Variants in KIAA1549 observed in about 807,000 individuals in gnomAD.
KIAA1549 encodes KIAA1549.
A neutral mutation model predicts 156.4 loss-of-function variants in KIAA1549; 70 were observed. The observed-to-expected ratio is 0.45, with a 90% confidence interval of 0.37 to 0.55. KIAA1549 has a LOEUF of 0.55. Ranked by LOEUF, KIAA1549 falls within the 20% of genes least tolerant of loss-of-function variation. KIAA1549 has a pLI of 0.00. For synonymous variants in KIAA1549, 1,103 were observed against 1,066.4 expected (o/e 1.03, Z -0.67); for missense variants, 2,428 against 2,540.9 (o/e 0.96, Z 0.96).
intron 12 of KIAA1549, among the ~76,000 whole-genome samples, chr7:138,872,208 A>C (rs10261559): frequency 0.42 from 64,112 of 151,882 alleles, 13,957 homozygotes; most frequent in Middle Eastern, 0.57. Context: ...CGGCCTCCCA[A>C]AGTGCTGGGA....
intron 1 of KIAA1549, among the ~76,000 whole-genome samples, chr7:138,922,371 A>G (rs1812589224): frequency 6.6e-6 from 1 of 152,204 alleles, no homozygotes; most frequent in African/African-American, 2.4e-5. Context: ...AGTAAAAATT[A>G]TAAAATACAT....
intron 16 of KIAA1549, among the ~76,000 whole-genome samples, chr7:138,858,143 CAG>C (rs1810448133): frequency 6.6e-6 from 1 of 151,290 alleles, no homozygotes; most frequent in East Asian, 1.9e-4. Flanking sequence ...TTTTTTGAGA[CAG>C]AGTCTCACTC....
At chr7:138,847,902 T>G (rs964608489) in intron 17 of KIAA1549, among the ~76,000 whole-genome samples, 19 of 145,764 alleles carry the variant, frequency 1.3e-4, no homozygotes, top group African/African-American at 4.9e-4. Flanking sequence ...CTTAAAAGTC[T>G]TTGGTTAGAT....
rs187688492 is a variant in KIAA1549 at position 138,904,092 on chromosome 7, T to G, written c.3521-356A>C. 2.5e-3 allele frequency among the ~76,000 whole-genome samples: 379 copies of G among 152,308 alleles called. 4 individuals carry two copies. The highest frequency in any genetic ancestry group is 4.2e-3 in the Admixed American group (64 of 15,302). On this transcript the variant is annotated intron_variant, in intron 7 of 19. Coordinates refer to ENST00000422774, the MANE Select transcript of KIAA1549 (RefSeq NM_001164665.2). ...GGGCGCCTACGCAAGATCAAACATT[T>G]TGTCTGCACTTATCTCAACACTTCT...
chr7:138,839,740 C>T (rs903577745), intron 19 of KIAA1549, among the ~76,000 whole-genome samples: 2 of 151,404 alleles, frequency 1.3e-5, no homozygotes, highest in African/African-American at 4.9e-5. Context: ...AAAAGGGACC[C>T]CCCCCAAAGC....
intron 15 of KIAA1549, among the ~76,000 whole-genome samples, chr7:138,862,209 T>G (rs77905356): frequency 6.6e-6 from 1 of 152,130 alleles, no homozygotes; most frequent in Admixed American, 6.5e-5. Context: ...AAACTATGCA[T>G]GTGGGCTGGG....
rs368485537 is a variant in KIAA1549 at position 138,918,744 on chromosome 7, G to A, written c.882C>T (p.Gly294=). The change falls in exon 2 of 20, where the codon GGC becomes GGT. Residue 294 remains glycine (G), a synonymous_variant. Coordinates refer to ENST00000422774, the MANE Select transcript of KIAA1549 (RefSeq NM_001164665.2). The surrounding 1 kb of genome is among the most constrained non-coding windows in gnomAD (Gnocchi z 4.2). ...SSRSLMPQPL[G]DGITIPLPSL... ...AGGGCAACGGTATAGTAATGCCGTC[G>A]CCTAACGGCTGTGGCATTAAAGACC... 30 of 1,613,676 alleles carry A rather than the reference G, an allele frequency of 1.9e-5. No homozygotes were observed. The highest frequency in any genetic ancestry group is 3.3e-5 in the Admixed American group (2 of 59,976).
At chr7:138,856,232 G>T (rs1159680419) in intron 16 of KIAA1549, among the ~76,000 whole-genome samples, 1 of 151,394 alleles carries the variant, frequency 6.6e-6, no homozygotes, top group Non-Finnish European at 1.5e-5. Context: ...TAGAGACGGG[G>T]TTTCACCATG....
chr7:138,889,932 C>T (rs1430760526), intron 10 of KIAA1549, among the ~76,000 whole-genome samples: 2 of 152,196 alleles, frequency 1.3e-5, no homozygotes, highest in African/African-American at 4.8e-5. Flanking sequence ...TAAAATAGAA[C>T]CTAGAGTTCA....
At chr7:138,881,716 A>G (rs566646637) in intron 10 of KIAA1549, 132 bp from the exon 11 acceptor site, 89 of 734,170 alleles carry the variant, frequency 1.2e-4, no homozygotes, top group Middle Eastern at 7.3e-4. Flanking sequence ...TAGAACATGG[A>G]CTGCATGCCA....
intron 1 of KIAA1549, among the ~76,000 whole-genome samples, chr7:138,940,144 C>T (rs1025029875): frequency 6.6e-6 from 1 of 152,114 alleles, no homozygotes; most frequent in Non-Finnish European, 1.5e-5. Context: ...AGGTATATCT[C>T]CCAATGCTAT....
chr7:138,909,179 A>G, intron 4 of KIAA1549, 58 bp from the exon 5 acceptor site: 2 of 1,545,658 alleles, frequency 1.3e-6, no homozygotes, highest in South Asian at 1.2e-5. Flanking sequence ...CTGAAGTATT[A>G]AGGAATCAAG....
intron 1 of KIAA1549, among the ~76,000 whole-genome samples, chr7:138,946,423 C>T (rs902236444): frequency 3.9e-5 from 6 of 152,116 alleles, no homozygotes; most frequent in African/African-American, 1.4e-4. Context: ...CTTTCTTTCG[C>T]TTGGCTATGG....
chr7:138,953,624 A>G (rs506001), intron 1 of KIAA1549, among the ~76,000 whole-genome samples: 63,672 of 151,968 alleles, frequency 0.42, 17,615 homozygotes, highest in African/African-American at 0.8. Context: ...TACTACAAGT[A>G]AATATGCTGA....
At chr7:138,953,431 G>GA (rs1813555588) in intron 1 of KIAA1549, among the ~76,000 whole-genome samples, 2 of 151,740 alleles carry the variant, frequency 1.3e-5, no homozygotes, top group African/African-American at 4.8e-5. Context: ...ATAATAATAG[G>GA]AAAAAGGAAT....
In KIAA1549 at chr7:138,895,878, A is replaced by G. The variant is rs866740410; in HGVS notation, c.3848-1352T>C. Among the ~76,000 whole-genome samples, 6 of 152,104 alleles carry G rather than the reference A, an allele frequency of 3.9e-5. No homozygotes were observed. The Middle Eastern group carries it at 0.017, about 434-fold the overall frequency. ...AAACCTTTGAAACATGACTCATCGA[A>G]ACGGCATTATTTAAGCTACCAGTTG... is the stretch of plus-strand genomic sequence containing the variant. On this transcript the variant is annotated intron_variant, in intron 9 of 19. Transcript: ENST00000422774.
At chr7:138,959,399 C>T (rs1423959651) in intron 1 of KIAA1549, among the ~76,000 whole-genome samples, 1 of 152,144 alleles carries the variant, frequency 6.6e-6, no homozygotes, top group Non-Finnish European at 1.5e-5. Context: ...AAAGATGACG[C>T]TAACGGGGCT....
chr7:138,891,629 C>G (rs58693122), intron 10 of KIAA1549, among the ~76,000 whole-genome samples: 12,612 of 152,132 alleles, frequency 0.083, 1,111 homozygotes, highest in African/African-American at 0.22. Flanking sequence ...CTTCTCGTTA[C>G]GAGGGGAAGG....
chr7:138,841,830 T>C (rs1482986593), intron 18 of KIAA1549, among the ~76,000 whole-genome samples: 1 of 151,194 alleles, frequency 6.6e-6, no homozygotes. Flanking sequence ...CCTCCCAACA[T>C]GATGGGATTA....
Sources: gnomAD v4.1 joint callset for allele counts (sites outside exome capture counted in the v4.1 genomes callset) on GRCh38, gnomAD v4.1.1 for gene constraint, Gnocchi (gnomAD v3.1) non-coding constraint, MANE v1.5 for transcripts, NCBI Gene and HGNC (gene_info 2026-07-23, HGNC 2026-07-21) for gene names.